The following PEBP4 variants were observed in gnomAD, a reference collection of about 807,000 sequenced individuals.
The protein encoded by PEBP4 is phosphatidylethanolamine binding protein 4, also known as phosphatidylethanolamine-binding protein 4.
PEBP4 carries 22 observed loss-of-function variants against 23.9 expected under a neutral mutation model. The ratio of observed to expected loss-of-function variants is 0.92; its 90% CI spans 0.66 to 1.31. The LOEUF (loss-of-function observed/expected upper bound fraction) is 1.31, where lower values mean the gene tolerates loss of function less well. Among genes scored for constraint, PEBP4 ranks in the 40% most tolerant of loss-of-function variants. The pLI is 0.00. For missense variants in PEBP4, 324 were observed against 281.7 expected (o/e 1.15, Z -1.07); for synonymous variants, 112 against 99.3 (o/e 1.13, Z -0.76).
intron 6 of PEBP4, 74 bp from the exon 7 acceptor site, chr8:22,713,610 G>A (rs1804354335): frequency 8.1e-6 from 13 of 1,601,336 alleles, no homozygotes; most frequent in Non-Finnish European, 1.0e-5. Context: ...GGGCCTGAGA[G>A]GGAGGCCGGC....
intron 4 of PEBP4, among the ~76,000 whole-genome samples, chr8:22,809,637 T>C (rs546869552): frequency 3.2e-4 from 48 of 152,198 alleles, no homozygotes; most frequent in Non-Finnish European, 6.5e-4. Context: ...CCATTACCTC[T>C]GTCTTTTATG....
At chr8:22,913,488 G>T (rs1249776518) in intron 3 of PEBP4, among the ~76,000 whole-genome samples, 1 of 152,034 alleles carries the variant, frequency 6.6e-6, no homozygotes, top group Non-Finnish European at 1.5e-5. Flanking sequence ...TGCAGTAGGG[G>T]CTTGGCTGGC....
chr8:22,896,645 A>T (rs1808595511), intron 3 of PEBP4, among the ~76,000 whole-genome samples: 1 of 152,224 alleles, frequency 6.6e-6, no homozygotes, highest in African/African-American at 2.4e-5. Flanking sequence ...GCTAAGGCTC[A>T]GCAGTGACAC....
intron 5 of PEBP4, among the ~76,000 whole-genome samples, chr8:22,725,728 G>C (rs968568025): frequency 6.6e-6 from 1 of 152,112 alleles, no homozygotes; most frequent in African/African-American, 2.4e-5. Context: ...TTCCAAGGAG[G>C]AGAGCCAGGC....
At chr8:22,906,615 T>A (rs1356802101) in intron 3 of PEBP4, among the ~76,000 whole-genome samples, 1 of 152,262 alleles carries the variant, frequency 6.6e-6, no homozygotes, top group Non-Finnish European at 1.5e-5. Flanking sequence ...CATGGGTGGC[T>A]GAGATGACTG....
rs114813420 is a variant in PEBP4, at chr8:22,729,324, C to T, written c.358-2104G>A. Among the ~76,000 whole-genome samples the T allele has an allele frequency of 8.8e-3, 1,347 of 152,380 alleles. 17 individuals are homozygous for T. Among genetic ancestry groups the T allele is most frequent in the African/African-American group, 0.031 (1,285 of 41,590 alleles). The stretch of plus-strand genomic sequence containing the variant: ...GTCTGCCCTGAGCTCCTCAGCCTCC[C>T]CTTATTCCTTTCCAAGTCAGCCCAG... On this transcript the variant is annotated intron_variant, in intron 4 of 6. Transcript: ENST00000256404.
intron 3 of PEBP4, among the ~76,000 whole-genome samples, chr8:22,873,795 G>A (rs1449599027): frequency 6.6e-6 from 1 of 152,144 alleles, no homozygotes; most frequent in Non-Finnish European, 1.5e-5. Context: ...CAGCTTGATG[G>A]GTACATGTGG....
intron 3 of PEBP4, among the ~76,000 whole-genome samples, chr8:22,911,951 T>C (rs914518905): frequency 6.6e-6 from 1 of 152,134 alleles, no homozygotes; most frequent in African/African-American, 2.4e-5. Context: ...TTTCAGTGGA[T>C]GTCAGCGGCC....
intron 3 of PEBP4, among the ~76,000 whole-genome samples, chr8:22,818,792 G>A (rs1335042821): frequency 6.6e-6 from 1 of 152,198 alleles, no homozygotes; most frequent in Non-Finnish European, 1.5e-5. Flanking sequence ...CAGAAATGGA[G>A]ACAGAAACAA....
intron 4 of PEBP4, among the ~76,000 whole-genome samples, chr8:22,747,037 A>C (rs1400513646): frequency 2.0e-5 from 3 of 152,060 alleles, no homozygotes; most frequent in Admixed American, 1.3e-4. Flanking sequence ...GTCTCAGCAC[A>C]TTGCCCAGGC....
At chr8:22,725,715 C>T (rs1447147891) in intron 5 of PEBP4, among the ~76,000 whole-genome samples, 1 of 152,198 alleles carries the variant, frequency 6.6e-6, no homozygotes, top group Non-Finnish European at 1.5e-5. Context: ...TCTCCATCTT[C>T]CTTTCCAAGG....
intron 3 of PEBP4, among the ~76,000 whole-genome samples, chr8:22,901,284 C>T (rs1357596664): frequency 1.3e-5 from 2 of 152,074 alleles, no homozygotes; most frequent in Admixed American, 6.5e-5. Flanking sequence ...GACAGTGACA[C>T]GAAATAGATG....
intron 4 of PEBP4, among the ~76,000 whole-genome samples, chr8:22,742,952 C>T (rs567180982): frequency 2.0e-5 from 3 of 152,312 alleles, no homozygotes; most frequent in Admixed American, 6.5e-5. Flanking sequence ...GAAGAGGAAG[C>T]GCAGAGAGCC....
chr8:22,888,775 A>G (rs2457430), intron 3 of PEBP4, among the ~76,000 whole-genome samples: 121,154 of 152,232 alleles, frequency 0.8, 49,931 homozygotes, highest in East Asian at 1. Flanking sequence ...TGCCCAGCTG[A>G]CTGGTTCCTC....
chr8:22,796,301 C>T (rs1005051480), intron 4 of PEBP4, among the ~76,000 whole-genome samples: 8 of 150,382 alleles, frequency 5.3e-5, no homozygotes, highest in South Asian at 2.1e-4. Context: ...TGCCTGTGTA[C>T]GTGTAATTCA....
intron 3 of PEBP4, among the ~76,000 whole-genome samples, chr8:22,872,283 A>G (rs917485710): frequency 6.6e-6 from 1 of 152,228 alleles, no homozygotes. Context: ...AGTAGAGTTA[A>G]GTCATGTGTG....
chr8:22,756,151 C>CCT (rs1357414105), intron 4 of PEBP4: 1 of 152,266 alleles, frequency 6.6e-6, no homozygotes, highest in Non-Finnish European at 1.5e-5. Flanking sequence ...CAGGCCAGAG[C>CCT]GACAGCCTTG....
intron 2 of PEBP4, among the ~76,000 whole-genome samples, chr8:22,923,060 C>T (rs780964552): frequency 2.6e-5 from 4 of 152,230 alleles, no homozygotes; most frequent in Non-Finnish European, 4.4e-5. Context: ...ATCACTATTC[C>T]TATCTCCAGA....
intron 4 of PEBP4, among the ~76,000 whole-genome samples, chr8:22,810,921 C>T (rs1004221906): frequency 2.1e-5 from 3 of 143,986 alleles, no homozygotes; most frequent in Non-Finnish European, 4.6e-5. Flanking sequence ...AGAGAAACCT[C>T]CTAGAAGAAC....
Sources: allele counts gnomAD v4.1 joint callset (sites outside exome capture counted in the v4.1 genomes callset), GRCh38; gene constraint gnomAD v4.1.1; transcripts MANE v1.5; gene names NCBI Gene and HGNC (gene_info 2026-07-23, HGNC 2026-07-21).